The following CSMD1 variants were observed in gnomAD, a reference collection of about 807,000 sequenced individuals.
The protein encoded by CSMD1 is CUB and Sushi multiple domains 1.
CSMD1 carries 213 observed loss-of-function variants against 417.5 expected under a neutral mutation model. The ratio of observed to expected loss-of-function variants is 0.51; its 90% CI spans 0.46 to 0.57. CSMD1 has a LOEUF of 0.57. Among genes scored for constraint, CSMD1 ranks in the 20% least tolerant of loss-of-function variants. The pLI, the probability that CSMD1 is intolerant of heterozygous loss-of-function variation, is 0.00. For synonymous variants in CSMD1, 2,862 were observed against 1,736.8 expected (o/e 1.65, Z -16.11); for missense variants, 6,923 against 4,529.7 (o/e 1.53, Z -15.17).
intron 18 of CSMD1, among the ~76,000 whole-genome samples, chr8:3,378,314 A>G (rs113204310): frequency 0.011 from 1,616 of 152,308 alleles, 38 homozygotes; most frequent in African/African-American, 0.037. Context: ...GAATTCTCCC[A>G]GAAGTACAAA....
chr8:4,093,096 C>G (rs1800806790), intron 3 of CSMD1, among the ~76,000 whole-genome samples: 1 of 152,114 alleles, frequency 6.6e-6, no homozygotes, highest in South Asian at 2.1e-4. Context: ...ACATAATTAA[C>G]TCAAAGGCCC....
In CSMD1 at chr8:4,144,020, T is replaced by C. The variant is rs890417877; in HGVS notation, c.416-111921A>G. 5.3e-5 allele frequency among the ~76,000 whole-genome samples: 8 copies of C among 151,278 alleles called. 1 individual carries two copies. The highest frequency in any genetic ancestry group is 2.1e-4 in the South Asian group (1 of 4,828). On this transcript the variant is annotated intron_variant, in intron 3 of 69. Transcript: ENST00000635120. ...AGACACGGTGGAAGGAGGAGGGCTA[T>C]AGAGAAAGCAGCCTTTGATCCTTTG...
intron 9 of CSMD1, among the ~76,000 whole-genome samples, chr8:3,584,953 C>T (rs974053608): frequency 1.3e-5 from 2 of 152,108 alleles, no homozygotes; most frequent in Non-Finnish European, 2.9e-5. Flanking sequence ...TCAAAGTTGT[C>T]TAGTGACAAA....
At position 4,698,903 on chromosome 8, in the gene CSMD1, A is replaced by AACACACACACAC. The variant is rs71988727; in HGVS notation, c.86-61357_86-61346dup. ...CTCTTAAACATGTGCATACCCTCCC[A>AACACACACACAC]ACACACACACACACACACACACACA... On this transcript the variant is annotated intron_variant, in intron 1 of 69. Coordinates refer to ENST00000635120, the MANE Select transcript of CSMD1 (RefSeq NM_033225.6). Among the ~76,000 whole-genome samples the AACACACACACAC allele has an allele frequency of 8.3e-4, 116 of 140,214 alleles. 2 individuals carry two copies. The highest frequency in any genetic ancestry group is 2.1e-3 in the South Asian group (9 of 4,196). The allele number at this position is 140,214 out of a possible 152,430, so 92.0% of individuals were successfully genotyped here.
chr8:3,364,602 G>A (rs775751304), intron 20 of CSMD1, among the ~76,000 whole-genome samples: 8 of 152,126 alleles, frequency 5.3e-5, no homozygotes, highest in Non-Finnish European at 1.0e-4. Flanking sequence ...CTTTTTGGGA[G>A]TGTTTATGTC....
intron 16 of CSMD1, among the ~76,000 whole-genome samples, chr8:3,398,744 G>A (rs1170899778): frequency 6.6e-6 from 1 of 152,108 alleles, no homozygotes. Flanking sequence ...CATCAATTTG[G>A]TCTCAGTGTT....
chr8:4,722,544 G>T (rs1366141758), intron 1 of CSMD1, among the ~76,000 whole-genome samples: 3 of 152,032 alleles, frequency 2.0e-5, no homozygotes, highest in Admixed American at 6.6e-5. Context: ...GAATGGGGTA[G>T]AACTTTCCAA....
intron 4 of CSMD1, among the ~76,000 whole-genome samples, chr8:4,012,534 G>C (rs1238463310): frequency 6.6e-6 from 1 of 152,080 alleles, no homozygotes; most frequent in Non-Finnish European, 1.5e-5. Flanking sequence ...CCCAGGTAGT[G>C]ATCACAGCAC....
chr8:3,152,232 T>C (rs1819240700), intron 39 of CSMD1, among the ~76,000 whole-genome samples: 1 of 152,232 alleles, frequency 6.6e-6, no homozygotes, highest in African/African-American at 2.4e-5. Flanking sequence ...GTTTTGCTAC[T>C]GTATCTGAGG....
chr8:4,109,891 A>G (rs568682557), intron 3 of CSMD1, among the ~76,000 whole-genome samples: 6 of 152,160 alleles, frequency 3.9e-5, no homozygotes, highest in African/African-American at 1.4e-4. Context: ...TCTCATAATA[A>G]AGTTCTTTTC....
intron 5 of CSMD1, among the ~76,000 whole-genome samples, chr8:3,783,164 C>T (rs1282229456): frequency 6.6e-6 from 1 of 152,322 alleles, no homozygotes; most frequent in East Asian, 1.9e-4. Context: ...TAAGTCTCAA[C>T]ATCTTTCCAC....
intron 5 of CSMD1, among the ~76,000 whole-genome samples, chr8:3,981,378 A>G (rs1211652700): frequency 6.6e-6 from 1 of 152,098 alleles, no homozygotes; most frequent in Non-Finnish European, 1.5e-5. Flanking sequence ...ATAAAAGACA[A>G]CAAATATGGT....
At chr8:4,746,761 G>A (rs1466671111) in intron 1 of CSMD1, among the ~76,000 whole-genome samples, 1 of 152,158 alleles carries the variant, frequency 6.6e-6, no homozygotes, top group African/African-American at 2.4e-5. Context: ...CTTCACTACA[G>A]CAGCGAGGTC....
intron 5 of CSMD1, among the ~76,000 whole-genome samples, chr8:3,922,245 T>G (rs149277162): frequency 1.0e-3 from 155 of 152,250 alleles, no homozygotes; most frequent in African/African-American, 3.6e-3. Flanking sequence ...TTCTATCTCT[T>G]TACTTTCAAC....
intron 5 of CSMD1, among the ~76,000 whole-genome samples, chr8:3,962,333 G>A (rs947406994): frequency 1.3e-5 from 2 of 152,152 alleles, no homozygotes; most frequent in African/African-American, 4.8e-5. Flanking sequence ...AGATTATGCA[G>A]GATTAAGATC....
intron 11 of CSMD1, among the ~76,000 whole-genome samples, chr8:3,485,580 C>G (rs1470212358): frequency 1.3e-5 from 2 of 148,254 alleles, no homozygotes; most frequent in Admixed American, 1.3e-4. Flanking sequence ...GAGAGAAACA[C>G]AAATGAATAC....
At chr8:3,871,286 C>T (rs939683469) in intron 5 of CSMD1, among the ~76,000 whole-genome samples, 5 of 152,002 alleles carry the variant, frequency 3.3e-5, no homozygotes, top group African/African-American at 1.2e-4. Context: ...TAAAAAGCTG[C>T]ACTGATTTAT....
intron 3 of CSMD1, among the ~76,000 whole-genome samples, chr8:4,161,565 G>A (rs546986234): frequency 6.6e-6 from 1 of 152,188 alleles, no homozygotes; most frequent in Admixed American, 6.5e-5. Flanking sequence ...ACATTGTTTT[G>A]GACAGAGTTC....
chr8:3,351,667 T>C (rs1808433813), intron 21 of CSMD1, among the ~76,000 whole-genome samples: 1 of 148,994 alleles, frequency 6.7e-6, no homozygotes, highest in African/African-American at 2.4e-5. Context: ...AGAAAAATTA[T>C]TTTAATACAT....
Sources: gnomAD v4.1 joint callset for allele counts (sites outside exome capture counted in the v4.1 genomes callset) on GRCh38, gnomAD v4.1.1 for gene constraint, MANE v1.5 for transcripts, NCBI Gene and HGNC (gene_info 2026-07-23, HGNC 2026-07-21) for gene names.